Variants in CACNA1B observed in about 807,000 individuals in gnomAD.
CACNA1B encodes voltage-dependent N-type calcium channel subunit alpha-1B.
A neutral mutation model predicts 247.2 loss-of-function variants in CACNA1B; 70 were observed. The observed-to-expected ratio is 0.28, with a 90% CI of 0.23 to 0.35. The LOEUF (loss-of-function observed/expected upper bound fraction) is 0.35. Ranked by LOEUF, CACNA1B falls within the 10% of genes least tolerant of loss-of-function variation. The probability of loss-of-function intolerance (pLI) is 1.00; values close to 1 mark genes in which losing one functional copy is unlikely to be tolerated. For missense variants in CACNA1B, 2,367 were observed against 3,197.4 expected, an observed-to-expected ratio of 0.74 and a Z score of 6.26; for synonymous variants, 1,231 against 1,294.4, an observed-to-expected ratio of 0.95 and a Z score of 1.05.
intron 32 of CACNA1B, among the ~76,000 whole-genome samples, chr9:138,071,720 G>T (rs1960140818): frequency 6.6e-6 from 1 of 152,164 alleles, no homozygotes; most frequent in South Asian, 2.1e-4. Context: ...CCTCTCGCCT[G>T]CCCTGTTGTC....
chr9:138,069,830 C>G (rs1279171730), intron 32 of CACNA1B, 67 bp downstream of exon 32: 1 of 1,471,936 alleles, frequency 6.8e-7, no homozygotes, highest in African/African-American at 1.4e-5. Flanking sequence ...CTCTCCTGCT[C>G]TCTGGTTCCT....
intron 20 of CACNA1B, among the ~76,000 whole-genome samples, chr9:138,041,033 A>AT (rs1433045974): frequency 6.6e-6 from 1 of 152,188 alleles, no homozygotes; most frequent in Admixed American, 6.5e-5. Context: ...ATATCTTTAG[A>AT]TATCTTGGGA....
chr9:137,896,841 C>T (rs1333825125), intron 3 of CACNA1B, among the ~76,000 whole-genome samples: 1 of 152,108 alleles, frequency 6.6e-6, no homozygotes, highest in Non-Finnish European at 1.5e-5. Flanking sequence ...ATGTTGGGTC[C>T]GTCGTGTGAG....
Position 137,964,370 on chromosome 9 carries a change from CAG to C in CACNA1B, c.1333+6686_1333+6687del, listed in dbSNP as rs1958052277. ...TCTCTTTACATAATCCCATATTTCT[CAG>C]AGGTTTTGTTCATTTCTTTCCACTC... On this transcript the variant is annotated intron_variant, in intron 10 of 46. Coordinates refer to ENST00000371372, the MANE Select transcript of CACNA1B (RefSeq NM_000718.4). Among the ~76,000 whole-genome samples, 4 of 152,188 alleles carry C rather than the reference CAG, an allele frequency of 2.6e-5. No homozygotes were observed. The South Asian group carries it at 8.3e-4, about 32-fold the overall frequency.
intron 3 of CACNA1B, among the ~76,000 whole-genome samples, chr9:137,900,723 CGTGTGTCTCTGTGTCTGTGCT>C (rs1339982598): frequency 5.8e-4 from 75 of 130,066 alleles, no homozygotes; most frequent in African/African-American, 2.2e-3. Context: ...GTGTCTGTGC[CGTGTGTCTCTGTGTCTGTGCT>C]GTGTGTCTCT....
chr9:138,108,010 A>G (rs1452439413), intron 39 of CACNA1B, among the ~76,000 whole-genome samples: 1 of 148,352 alleles, frequency 6.7e-6, no homozygotes, highest in Non-Finnish European at 1.5e-5. Flanking sequence ...GATAACCTTC[A>G]GTTTCAACAC....
chr9:137,942,377 G>A (rs1322553018), intron 6 of CACNA1B, among the ~76,000 whole-genome samples: 1 of 152,212 alleles, frequency 6.6e-6, no homozygotes, highest in African/African-American at 2.4e-5. Flanking sequence ...CTGCTGGTGG[G>A]AATGTAAACT....
Position 138,012,216 on chromosome 9 carries a change from A to G in CACNA1B, c.2161-913A>G, listed in dbSNP as rs1392770261. 1.3e-5 allele frequency among the ~76,000 whole-genome samples: 2 copies of G among 152,270 alleles called. No homozygotes were observed. Among genetic ancestry groups the G allele is most frequent in the Non-Finnish European group, 2.9e-5 (2 of 68,016 alleles). On this transcript the variant is annotated intron_variant, in intron 17 of 46. Coordinates refer to ENST00000371372, the MANE Select transcript of CACNA1B (RefSeq NM_000718.4). This position sits in a 1 kb window ranked among gnomAD's most constrained non-coding sequence, Gnocchi z 4.2. ...CACAGCTGGGGAAATGGGGACAGAC[A>G]TGGTCTGCTGGCTCCAGGCAGAAAA...
At chr9:138,092,802 A>G (rs1960921615) in intron 36 of CACNA1B, among the ~76,000 whole-genome samples, 1 of 152,250 alleles carries the variant, frequency 6.6e-6, no homozygotes, top group Non-Finnish European at 1.5e-5. Flanking sequence ...ACAAATGTCC[A>G]TGAAATCTTC....
At chr9:137,944,887 A>G (rs746110267) in intron 6 of CACNA1B, among the ~76,000 whole-genome samples, 1 of 152,158 alleles carries the variant, frequency 6.6e-6, no homozygotes, top group African/African-American at 2.4e-5. Context: ...AAGGAGTTAT[A>G]CAGGGGTGGT....
chr9:137,986,293 A>G lies in CACNA1B; in HGVS notation c.1770-120A>G. 1 of 1,089,004 alleles carries G rather than the reference A, an allele frequency of 9.2e-7. No individual in the cohort carries two copies. The highest frequency in any genetic ancestry group is 1.5e-5 in the South Asian group (1 of 65,800). The allele number at this position is 1,089,004 out of a possible 1,614,324, so 67.5% of individuals were successfully genotyped here. ...CTCCAGAGAAAAGCTCTAACTTCAC[A>G]CCTAGGTGTGCAGCCCTCAGGGTTT... On this transcript the variant is annotated intron_variant, in intron 13 of 46. Transcript: ENST00000371372. This position sits in a 1 kb window ranked among gnomAD's most constrained non-coding sequence, Gnocchi z 6.0.
chr9:137,930,669 T>C (rs1957597765), intron 6 of CACNA1B, among the ~76,000 whole-genome samples: 2 of 152,212 alleles, frequency 1.3e-5, no homozygotes, highest in African/African-American at 4.8e-5. Context: ...CTACAAATTG[T>C]TAAGAGAGAG....
intron 3 of CACNA1B, among the ~76,000 whole-genome samples, chr9:137,894,356 C>T (rs890392429): frequency 7.6e-6 from 1 of 131,284 alleles, no homozygotes. Context: ...ATCGTTGTGG[C>T]TTTGATCTGC....
chr9:137,913,407 C>A lies in CACNA1B; in HGVS notation c.622+136C>A. 1.5e-6 allele frequency: 1 copy of A among 657,380 alleles called. No homozygotes were observed. Among genetic ancestry groups the A allele is most frequent in the Non-Finnish European group, 2.6e-6 (1 of 380,654 alleles). 40.7% of individuals were successfully genotyped at this position (657,380 alleles called of 1,614,324 possible). ...CCACTTTTGACCCCAGGGAACCAGGCAGGAGGAAGGGAGGAGCAGGCCTTT... is the reference window on the plus strand; with the variant it reads ...CCACTTTTGACCCCAGGGAACCAGGAAGGAGGAAGGGAGGAGCAGGCCTTT... On this transcript the variant is annotated intron_variant, in intron 4 of 46. Transcript: ENST00000371372. The surrounding 1 kb of genome is among the most constrained non-coding windows in gnomAD (Gnocchi z 5.2).
intron 1 of CACNA1B, 25 bp downstream of exon 1, chr9:137,878,242 G>C: frequency 8.1e-7 from 1 of 1,229,976 alleles, no homozygotes. Context: ...GGGGCCGGGC[G>C]GGGCCGGGCG....
chr9:138,066,088 G>T (rs1396618063), intron 31 of CACNA1B, among the ~76,000 whole-genome samples: 1 of 152,236 alleles, frequency 6.6e-6, no homozygotes, highest in Non-Finnish European at 1.5e-5. Flanking sequence ...TCCAGGAATA[G>T]TTGGTGAGGA....
intron 6 of CACNA1B, among the ~76,000 whole-genome samples, chr9:137,947,313 C>T (rs933480441): frequency 6.6e-6 from 1 of 152,078 alleles, no homozygotes; most frequent in African/African-American, 2.4e-5. Context: ...GGGTGGGCCG[C>T]AAAGGGAGTA....
At position 138,020,796 on chromosome 9, in the gene CACNA1B, T is replaced by C. The variant is rs1958835846; in HGVS notation, c.2268-2215T>C. Among the ~76,000 whole-genome samples, 1 of 152,140 alleles carries C rather than the reference T, an allele frequency of 6.6e-6. No individual in the cohort carries two copies. The highest frequency in any genetic ancestry group is 1.5e-5 in the Non-Finnish European group (1 of 68,020). On this transcript the variant is annotated intron_variant, in intron 18 of 46. Transcript: ENST00000371372. The surrounding 1 kb of genome is among the most constrained non-coding windows in gnomAD (Gnocchi z 4.1). Reference sequence around the variant, plus strand: ...GCCTGGCCTTTCCCTGCTCCAGGTGTTTCCTGGGCGAGAAGGAGCCACACC... The same window carrying C: ...GCCTGGCCTTTCCCTGCTCCAGGTGCTTCCTGGGCGAGAAGGAGCCACACC...
rs573797076 is a variant in CACNA1B, at chr9:137,986,991, C to G, written c.1974+137C>G. The G allele has an allele frequency of 1.3e-6, 1 of 782,050 alleles. No individual in the cohort carries two copies. The highest frequency in any genetic ancestry group is 2.2e-6 in the Non-Finnish European group (1 of 447,768). 48.4% of individuals were successfully genotyped at this position (782,050 alleles called of 1,614,324 possible). A position where few individuals can be genotyped will look rare whatever the true frequency, so the allele number is the denominator to read the frequency against. On this transcript the variant is annotated intron_variant, in intron 15 of 46. Coordinates refer to ENST00000371372, the MANE Select transcript of CACNA1B (RefSeq NM_000718.4). This position sits in a 1 kb window ranked among gnomAD's most constrained non-coding sequence, Gnocchi z 6.0. The stretch of plus-strand genomic sequence containing the variant: ...TCACTGACTTTTCAGACACAGTGTT[C>G]CTCAAACGAGGGAAGCACAGGCAGT...
Sources: allele counts gnomAD v4.1 joint callset (sites outside exome capture counted in the v4.1 genomes callset), GRCh38; gene constraint gnomAD v4.1.1; non-coding constraint Gnocchi (gnomAD v3.1); transcripts MANE v1.5; gene names NCBI Gene and HGNC (gene_info 2026-07-23, HGNC 2026-07-21).